Variants in ARB2A observed in about 807,000 individuals in gnomAD.
The protein encoded by ARB2A is ARB2 cotranscriptional regulator A, also known as cotranscriptional regulator ARB2A.
the ARB2A span, among the ~76,000 whole-genome samples, chr5:93,687,183 A>G: frequency 5.3e-5 from 8 of 152,238 alleles, no homozygotes; most frequent in African/African-American, 1.9e-4. Context: ...TAAATGGTCA[A>G]TAATTAATAA....
the ARB2A span, among the ~76,000 whole-genome samples, chr5:93,880,856 T>C: frequency 3.3e-5 from 5 of 151,736 alleles, no homozygotes; most frequent in Non-Finnish European, 7.4e-5. Context: ...CAGAGTTCCC[T>C]CATTACACTA....
chr5:93,770,832 T>C, the ARB2A span, among the ~76,000 whole-genome samples: 4 of 152,308 alleles, frequency 2.6e-5, no homozygotes, highest in African/African-American at 9.6e-5. Flanking sequence ...GAACATTCCA[T>C]GCTCATGGGT....
the ARB2A span, among the ~76,000 whole-genome samples, chr5:93,959,996 A>G: frequency 6.7e-6 from 1 of 148,626 alleles, no homozygotes; most frequent in Non-Finnish European, 1.5e-5. Flanking sequence ...CAATCCACAT[A>G]TTGTGTAACG....
chr5:94,017,230 G>A, the ARB2A span, among the ~76,000 whole-genome samples: 1 of 152,146 alleles, frequency 6.6e-6, no homozygotes, highest in Non-Finnish European at 1.5e-5. Flanking sequence ...AGACTTTACT[G>A]TTCCTTCATA....
At chr5:93,631,311 G>A in the ARB2A span, among the ~76,000 whole-genome samples, 2 of 152,038 alleles carry the variant, frequency 1.3e-5, no homozygotes, top group African/African-American at 2.4e-5. Flanking sequence ...TTGTTACTTC[G>A]ATTGCCTATA....
At chr5:93,776,646 T>C in the ARB2A span, among the ~76,000 whole-genome samples, 1 of 152,134 alleles carries the variant, frequency 6.6e-6, no homozygotes, top group East Asian at 1.9e-4. Flanking sequence ...GGCGTGGTGG[T>C]GCATGCCTGT....
the ARB2A span, among the ~76,000 whole-genome samples, chr5:93,823,554 A>G: frequency 1.3e-5 from 2 of 152,228 alleles, no homozygotes; most frequent in East Asian, 3.8e-4. Context: ...TATAGATAAC[A>G]TAAGACTCAA....
At chr5:94,006,239 A>G in the ARB2A span, among the ~76,000 whole-genome samples, 1 of 152,236 alleles carries the variant, frequency 6.6e-6, no homozygotes, top group Non-Finnish European at 1.5e-5. Flanking sequence ...AACATCCTGG[A>G]TGAATCTTAT....
chr5:93,811,540 T>A, the ARB2A span, among the ~76,000 whole-genome samples: 2 of 152,128 alleles, frequency 1.3e-5, no homozygotes, highest in African/African-American at 2.4e-5. Context: ...CGGGACGTTG[T>A]CTGAGGGTTA....
At chr5:94,050,453 C>A in the ARB2A span, among the ~76,000 whole-genome samples, 1 of 151,948 alleles carries the variant, frequency 6.6e-6, no homozygotes, top group Non-Finnish European at 1.5e-5. Context: ...CAGGGTTTCA[C>A]CATGTTAGCC....
chr5:93,621,207 G>A, the ARB2A span: 63 of 1,382,586 alleles, frequency 4.6e-5, no homozygotes, highest in Non-Finnish European at 5.6e-5. Flanking sequence ...GCCAGGCCGA[G>A]CCCCGGCTCC....
At chr5:93,780,187 T>C in the ARB2A span, among the ~76,000 whole-genome samples, 1 of 152,138 alleles carries the variant, frequency 6.6e-6, no homozygotes, top group Non-Finnish European at 1.5e-5. Context: ...CTCGGACAAA[T>C]ACAACTATGG....
the ARB2A span, among the ~76,000 whole-genome samples, chr5:93,994,565 C>T: frequency 6.6e-6 from 1 of 151,906 alleles, no homozygotes; most frequent in African/African-American, 2.4e-5. Flanking sequence ...GACCCTTGAA[C>T]AACACAATTT....
the ARB2A span, among the ~76,000 whole-genome samples, chr5:93,885,821 A>G: frequency 1.3e-5 from 2 of 151,716 alleles, no homozygotes; most frequent in African/African-American, 4.8e-5. Context: ...TTATTCAGCA[A>G]AAGTACTTGT....
chr5:93,809,509 A>AT, the ARB2A span, among the ~76,000 whole-genome samples: 4 of 152,140 alleles, frequency 2.6e-5, no homozygotes, highest in Admixed American at 1.3e-4. Flanking sequence ...ACCTAGTAAG[A>AT]TTTTTTCCCT....
At chr5:94,053,809 T>C in the ARB2A span, among the ~76,000 whole-genome samples, 1 of 152,194 alleles carries the variant, frequency 6.6e-6, no homozygotes, top group Non-Finnish European at 1.5e-5. Context: ...CTCCGTCACC[T>C]AGGCTGGAGT....
the ARB2A span, among the ~76,000 whole-genome samples, chr5:94,042,624 CA>C: frequency 2.0e-5 from 3 of 152,040 alleles, no homozygotes; most frequent in Non-Finnish European, 4.4e-5. Context: ...CTGCTTTTAA[CA>C]AAAATTTGTA....
At chr5:94,055,981 T>C in the ARB2A span, 5 of 824,218 alleles carry the variant, frequency 6.1e-6, no homozygotes, top group Non-Finnish European at 7.3e-6. Flanking sequence ...CATTTGATCA[T>C]CACAATCCTA....
the ARB2A span, among the ~76,000 whole-genome samples, chr5:94,043,566 G>A: frequency 1.4e-3 from 218 of 152,286 alleles, no homozygotes; most frequent in Non-Finnish European, 2.5e-3. Flanking sequence ...TTTCCTTTAA[G>A]GAATCAAATT....
Sources: allele counts gnomAD v4.1 joint callset (sites outside exome capture counted in the v4.1 genomes callset), GRCh38; gene constraint gnomAD v4.1.1; transcripts MANE v1.5; gene names NCBI Gene and HGNC (gene_info 2026-07-23, HGNC 2026-07-21).